Variants in GPR22 observed in about 807,000 individuals in gnomAD.
GPR22 encodes the protein G-protein coupled receptor 22.
In GPR22, 13 loss-of-function variants were observed where a neutral mutation model predicts 31.0. That is an observed-to-expected ratio of 0.42 (90% CI 0.27 to 0.67). GPR22 has a LOEUF of 0.67. Ranked by LOEUF, GPR22 falls within the 30% of genes least tolerant of loss-of-function variation. GPR22 has a pLI of 0.25. For missense variants in GPR22, 368 were observed against 509.6 expected (o/e 0.72, Z 2.67); for synonymous variants, 191 against 173.4 (o/e 1.10, Z -0.80).
rs1194251311 is a variant in GPR22, at chr7:107,471,768, C to T, written c.-561C>T. ...AGGAAGATTTAGGAAGTGTTTTCTGCACTAAATATTCAGATATTCATATCA... is the reference window on the plus strand; with the variant it reads ...AGGAAGATTTAGGAAGTGTTTTCTGTACTAAATATTCAGATATTCATATCA... On this transcript the variant is annotated 5_prime_UTR_variant, in exon 2 of 3. Coordinates refer to ENST00000304402, the MANE Select transcript of GPR22 (RefSeq NM_005295.3). 1.3e-5 allele frequency: 2 copies of T among 151,964 alleles called. No homozygotes were observed. The highest frequency in any genetic ancestry group is 2.4e-5 in the African/African-American group (1 of 41,406). 9.4% of individuals were successfully genotyped at this position (151,964 alleles called of 1,614,324 possible).
At chr7:107,476,183 T>TAAAAAAAAAAAAAAAAAAAAAA (rs1563056700), downstream of GPR22, among the ~76,000 whole-genome samples, 92 of 86,400 alleles carry the variant, frequency 1.1e-3, 4 homozygotes, top group East Asian at 2.2e-3. Context: ...TGCAATGATT[T>TAAAAAAAAAAAAAAAAAAAAAA]TAAAAAAAAA....
rs909587112 is a variant in GPR22 at position 107,472,269 on chromosome 7, A to T, written c.-60A>T. On this transcript the variant is annotated 5_prime_UTR_variant, in exon 2 of 3. The change abolishes an upstream ATG in the 5' untranslated region. Coordinates refer to ENST00000304402, the MANE Select transcript of GPR22 (RefSeq NM_005295.3). ...GAAAACGAAAGAATTCCTACAAGAC[A>T]TGAAATAAAACACAGCTACTTCACT... The T allele has an allele frequency of 2.6e-5, 4 of 152,018 alleles. No homozygotes were observed. The highest frequency in any genetic ancestry group is 5.9e-5 in the Non-Finnish European group (4 of 67,926). The allele number at this position is 152,018 out of a possible 1,614,324, so 9.4% of individuals were successfully genotyped here.
At chr7:107,470,697 T>A (rs952572280) in intron 1 of GPR22, among the ~76,000 whole-genome samples, 1 of 152,154 alleles carries the variant, frequency 6.6e-6, no homozygotes, top group Non-Finnish European at 1.5e-5. Flanking sequence ...TCAGATATAC[T>A]AAATATTCTT....
rs1039753855 is a variant in GPR22, at chr7:107,472,142, C to T, written c.-187C>T. 8 of 151,876 alleles carry T rather than the reference C, an allele frequency of 5.3e-5. No individual in the cohort carries two copies. The highest frequency in any genetic ancestry group is 9.7e-5 in the African/African-American group (4 of 41,380). The allele number at this position is 151,876 out of a possible 1,614,324, so 9.4% of individuals were successfully genotyped here. A position where few individuals can be genotyped will look rare whatever the true frequency, so the allele number is the denominator to read the frequency against. ...ATCATCTGAGGAAATTCCTCTTGGC[C>T]GTGACTTTTTAAAGCAAAACAAATA... On this transcript the variant is annotated 5_prime_UTR_variant, in exon 2 of 3. Coordinates refer to ENST00000304402, the MANE Select transcript of GPR22 (RefSeq NM_005295.3).
In GPR22 at chr7:107,475,189, G is replaced by T. The variant is rs1251231889; in HGVS notation, c.1129G>T (p.Val377Phe). The change falls in exon 3 of 3, where the codon GTC becomes TTC. Residue 377 changes from valine to phenylalanine, a missense_variant. Coordinates refer to ENST00000304402, the MANE Select transcript of GPR22 (RefSeq NM_005295.3). Reference protein sequence around the residue: ...YAFTRQKFQKVLKSKMKKRVV... With the variant: ...YAFTRQKFQKFLKSKMKKRVV... ...ATTCACTAGACAAAAATTTCAAAAG[G>T]TCTTGAAAAGTAAAATGAAAAAGCG... 2 of 1,611,222 alleles carry T rather than the reference G, an allele frequency of 1.2e-6. No individual in the cohort carries two copies. The highest frequency in any genetic ancestry group is 1.3e-5 in the African/African-American group (1 of 74,718).
chr7:107,475,979 C>T (rs1470698538), downstream of GPR22, among the ~76,000 whole-genome samples: 2 of 150,552 alleles, frequency 1.3e-5, no homozygotes, highest in Non-Finnish European at 3.0e-5. Flanking sequence ...CCTCTGTATA[C>T]ACACCAAAAT....
chr7:107,473,511 A>G (rs1378694137), intron 2 of GPR22, among the ~76,000 whole-genome samples: 1 of 152,024 alleles, frequency 6.6e-6, no homozygotes, highest in Non-Finnish European at 1.5e-5. Context: ...TTCAATCAAC[A>G]TGGATAAAGC....
In GPR22 at chr7:107,470,127, A is replaced by C. The variant is rs1247858475; in HGVS notation, c.-1276A>C. On this transcript the variant is annotated 5_prime_UTR_variant, in exon 1 of 3. Transcript: ENST00000304402. Reference sequence around the variant, plus strand: ...GTGCCGTTCCTTTTTAGAAAGACTGAATCTAAATGTTGTCTCTGGAGACAA... The same window carrying C: ...GTGCCGTTCCTTTTTAGAAAGACTGCATCTAAATGTTGTCTCTGGAGACAA... 3.3e-5 allele frequency: 5 copies of C among 152,164 alleles called. No homozygotes were observed. Among genetic ancestry groups the C allele is most frequent in the Non-Finnish European group, 7.4e-5 (5 of 68,018 alleles). The allele number at this position is 152,164 out of a possible 1,614,324, so 9.4% of individuals were successfully genotyped here.
chr7:107,475,245 G>C lies in GPR22; in HGVS notation c.1185G>C (p.Leu395=), dbSNP rs766393625. 6 of 1,605,542 alleles carry C rather than the reference G, an allele frequency of 3.7e-6. No homozygotes were observed. In the Admixed American group the frequency reaches 1.0e-4, roughly 27 times the overall value. ...RVVSIVEADP[L]PNNAVIHNSW... is the part of the protein sequence containing the mutation. The stretch of plus-strand genomic sequence containing the variant: ...TTTCTATAGTAGAAGCTGATCCCCT[G>C]CCTAATAATGCTGTAATACACAACT... The change falls in exon 3 of 3, where the codon CTG becomes CTC. Residue 395 remains leucine, a synonymous_variant. Transcript: ENST00000304402.
chr7:107,476,409 T>A (rs1797000060), downstream of GPR22, among the ~76,000 whole-genome samples: 1 of 151,420 alleles, frequency 6.6e-6, no homozygotes, highest in Non-Finnish European at 1.5e-5. Flanking sequence ...TCCCACCAAA[T>A]CATAGCTCCC....
rs1796840907 is a variant in GPR22 at position 107,474,365 on chromosome 7, T to C, written c.305T>C (p.Ile102Thr). 2 of 1,612,800 alleles carry C rather than the reference T, an allele frequency of 1.2e-6. No individual in the cohort carries two copies. Residue 102 changes from isoleucine (I) to threonine (T), a missense_variant, in exon 3 of 3, where the codon ATC becomes ACC. Physicochemically the swap from Ile to Thr is moderately conservative, Grantham distance 89. Transcript: ENST00000304402. This position sits in a 1 kb window ranked among gnomAD's most constrained non-coding sequence, Gnocchi z 5.7. Reference protein sequence around the residue: ...CVGCIPLTIVILLLSLESNTA... With the variant: ...CVGCIPLTIVTLLLSLESNTA... Reference sequence around the variant, plus strand: ...GGATGTATTCCTCTAACTATAGTTATCCTTCTGCTTTCACTGGAGAGTAAC... The same window carrying C: ...GGATGTATTCCTCTAACTATAGTTACCCTTCTGCTTTCACTGGAGAGTAAC...
Position 107,474,509 on chromosome 7 carries a change from G to A in GPR22, c.449G>A (p.Arg150Gln). 1.9e-6 allele frequency: 3 copies of A among 1,612,864 alleles called. No homozygotes were observed. The highest frequency in any genetic ancestry group is 2.5e-6 in the Non-Finnish European group (3 of 1,179,228). Residue 150 changes from arginine to glutamine, a missense_variant, in exon 3 of 3, where the codon CGA (arginine) becomes CAA (glutamine). Arg to Gln is a conservative substitution (Grantham distance 43). Coordinates refer to ENST00000304402, the MANE Select transcript of GPR22 (RefSeq NM_005295.3). The surrounding 1 kb of genome is among the most constrained non-coding windows in gnomAD (Gnocchi z 5.7). Reference protein sequence around the residue: ...RYDISVKPANRILTMGRAVML... With the variant: ...RYDISVKPANQILTMGRAVML... Reference sequence around the variant, plus strand: ...GACATCTCTGTAAAACCTGCAAACCGAATTCTGACAATGGGCAGAGCTGTA... The same window carrying A: ...GACATCTCTGTAAAACCTGCAAACCAAATTCTGACAATGGGCAGAGCTGTA...
rs1266001880 is a variant in GPR22 at position 107,475,227 on chromosome 7, A to T, written c.1167A>T (p.Ile389=). The T allele has an allele frequency of 6.2e-7, 1 of 1,611,032 alleles. No homozygotes were observed. Among genetic ancestry groups the T allele is most frequent in the Admixed American group, 1.7e-5 (1 of 59,846 alleles). The part of the protein sequence containing the change: ...KSKMKKRVVS[I]VEADPLPNNA... ...AAATGAAAAAGCGAGTTGTTTCTATAGTAGAAGCTGATCCCCTGCCTAATA... is the reference window on the plus strand; with the variant it reads ...AAATGAAAAAGCGAGTTGTTTCTATTGTAGAAGCTGATCCCCTGCCTAATA... The change falls in exon 3 of 3, where the codon ATA becomes ATT. Residue 389 remains isoleucine (I), a synonymous_variant. Coordinates refer to ENST00000304402, the MANE Select transcript of GPR22 (RefSeq NM_005295.3).
downstream of GPR22, among the ~76,000 whole-genome samples, chr7:107,476,252 C>G (rs951767103): frequency 1.4e-5 from 2 of 140,706 alleles, no homozygotes; most frequent in Non-Finnish European, 3.1e-5. Flanking sequence ...TTATTCAACT[C>G]AGCTCTTTTG....
downstream of GPR22, among the ~76,000 whole-genome samples, chr7:107,477,713 T>C (rs1395981309): frequency 6.6e-6 from 1 of 151,862 alleles, no homozygotes; most frequent in Non-Finnish European, 1.5e-5. Flanking sequence ...TAAACCAAAA[T>C]AATATGTGTT....
Position 107,475,470 on chromosome 7 carries a change from T to C in GPR22, c.*108T>C, listed in dbSNP as rs1796916955. ...AGAAAAATATTTTAAGTATTGGTTA[T>C]GTTGTAAATTTTCAATGTGAATGTC... On this transcript the variant is annotated 3_prime_UTR_variant, in exon 3 of 3. Transcript: ENST00000304402. 3.4e-6 allele frequency: 2 copies of C among 586,240 alleles called. No homozygotes were observed. Among genetic ancestry groups the C allele is most frequent in the African/African-American group, 3.8e-5 (2 of 52,946 alleles). The allele number at this position is 586,240 out of a possible 1,614,324, so 36.3% of individuals were successfully genotyped here.
Position 107,474,618 on chromosome 7 carries a change from T to A in GPR22, c.558T>A (p.Ser186Arg). ...FIEVNFFSLQ[S>R]GNTWENKTLL... The stretch of plus-strand genomic sequence containing the variant: ...AGGTAAATTTTTTCAGTCTTCAAAG[T>A]GGAAATACCTGGGAAAACAAGACAC... The change falls in exon 3 of 3, where the codon AGT (serine) becomes AGA (arginine). Residue 186 changes from serine to arginine, a missense_variant. Coordinates refer to ENST00000304402, the MANE Select transcript of GPR22 (RefSeq NM_005295.3). This position sits in a 1 kb window ranked among gnomAD's most constrained non-coding sequence, Gnocchi z 5.7. The A allele has an allele frequency of 6.2e-7, 1 of 1,610,838 alleles. No homozygotes were observed. Among genetic ancestry groups the A allele is most frequent in the Non-Finnish European group, 8.5e-7 (1 of 1,178,266 alleles).
At chr7:107,476,184 T>TA (rs34741713), downstream of GPR22, among the ~76,000 whole-genome samples, 929 of 43,992 alleles carry the variant, frequency 0.021, 11 homozygotes, top group South Asian at 0.07. Context: ...GCAATGATTT[T>TA]AAAAAAAAAA....
At chr7:107,470,975 G>A (rs1014130465) in intron 1 of GPR22, among the ~76,000 whole-genome samples, 7 of 151,858 alleles carry the variant, frequency 4.6e-5, no homozygotes, top group Admixed American at 2.6e-4. Context: ...AATTAGGCAA[G>A]TTACAATATT....
Sources: gnomAD v4.1 joint callset for allele counts (sites outside exome capture counted in the v4.1 genomes callset) on GRCh38, gnomAD v4.1.1 for gene constraint, Gnocchi (gnomAD v3.1) non-coding constraint, MANE v1.5 for transcripts, NCBI Gene and HGNC (gene_info 2026-07-23, HGNC 2026-07-21) for gene names.